Variants in TNPO2 observed in about 807,000 individuals in gnomAD.
TNPO2 encodes transportin-2.
In TNPO2, 16 loss-of-function variants were observed where a neutral mutation model predicts 111.1. The ratio of observed to expected loss-of-function variants is 0.14; its 90% CI spans 0.10 to 0.22. TNPO2 has a LOEUF of 0.22. Among genes scored for constraint, TNPO2 ranks in the 10% least tolerant of loss-of-function variants. The pLI, the probability that TNPO2 is intolerant of heterozygous loss-of-function variation, is 1.00. For missense variants in TNPO2, 530 were observed against 1,173.7 expected (o/e 0.45, Z 8.01); for synonymous variants, 481 against 475.8 (o/e 1.01, Z -0.14).
intron 18 of TNPO2, among the ~76,000 whole-genome samples, chr19:12,704,005 G>A (rs60615140): frequency 0.021 from 3,164 of 152,226 alleles, 101 homozygotes; most frequent in African/African-American, 0.071. Context: ...CAGTGTCCGT[G>A]GGGGATTCTT....
Position 12,719,433 on chromosome 19 carries a change from C to G in TNPO2, c.100-97G>C. ...ACTATCTCTGACCACTGGGACCAGG[C>G]TGCCAGCTCCTGGGGGATCCCGCTC... is the stretch of plus-strand genomic sequence containing the variant. On this transcript the variant is annotated intron_variant, in intron 3 of 25. Coordinates refer to ENST00000425528, the MANE Select transcript of TNPO2 (RefSeq NM_001382241.1). This position sits in a 1 kb window ranked among gnomAD's most constrained non-coding sequence, Gnocchi z 5.0. The G allele has an allele frequency of 9.8e-7, 1 of 1,022,846 alleles. No individual in the cohort carries two copies. The highest frequency in any genetic ancestry group is 2.5e-5 in the East Asian group (1 of 39,456). 63.4% of individuals were successfully genotyped at this position (1,022,846 alleles called of 1,614,324 possible).
rs1309893464 is a variant in TNPO2, at chr19:12,701,222, C to T, written c.*42G>A. The T allele has an allele frequency of 6.6e-6, 5 of 753,250 alleles. No homozygotes were observed. The highest frequency in any genetic ancestry group is 1.1e-5 in the Non-Finnish European group (5 of 465,940). 46.7% of individuals were successfully genotyped at this position (753,250 alleles called of 1,614,324 possible). On this transcript the variant is annotated 3_prime_UTR_variant, in exon 26 of 26. Transcript: ENST00000425528. The surrounding 1 kb of genome is among the most constrained non-coding windows in gnomAD (Gnocchi z 5.0). ...GCAGCGCACTCCCCAGTAATCCCTCCGACGACGACGCAGACAGAAACCTGC... is the reference window on the plus strand; with the variant it reads ...GCAGCGCACTCCCCAGTAATCCCTCTGACGACGACGCAGACAGAAACCTGC...
intron 13 of TNPO2, among the ~76,000 whole-genome samples, chr19:12,709,618 C>A (rs574709670): frequency 6.6e-6 from 1 of 151,512 alleles, no homozygotes; most frequent in Non-Finnish European, 1.5e-5. Context: ...AGGCACTTAC[C>A]ACCACGCCGG....
In TNPO2 at chr19:12,719,386, G is replaced by C. The variant is rs770768418; in HGVS notation, c.100-50C>G. 48 of 1,536,100 alleles carry C rather than the reference G, an allele frequency of 3.1e-5. No homozygotes were observed. The Middle Eastern group carries it at 6.8e-4, about 22-fold the overall frequency. On this transcript the variant is annotated intron_variant, in intron 3 of 25. Transcript: ENST00000425528. The surrounding 1 kb of genome is among the most constrained non-coding windows in gnomAD (Gnocchi z 5.0). The stretch of plus-strand genomic sequence containing the variant: ...AAGACAGAGGCCTTCCCCCAGCCAG[G>C]TCCCCTCATTATGTACCTGACACTA...
chr19:12,701,959 G>T lies in TNPO2; in HGVS notation c.2412-108C>A. 7.2e-7 allele frequency: 1 copy of T among 1,390,634 alleles called. No homozygotes were observed. The allele number at this position is 1,390,634 out of a possible 1,614,324, so 86.1% of individuals were successfully genotyped here. ...TGGGCCTGGGACATGCATCTGTGGG[G>T]GTGGGGCAGGGCAGGGAGTCAGTAG... On this transcript the variant is annotated intron_variant, in intron 22 of 25. Transcript: ENST00000425528. This position sits in a 1 kb window ranked among gnomAD's most constrained non-coding sequence, Gnocchi z 5.0.
Position 12,702,393 on chromosome 19 carries a change from T to C in TNPO2, c.2306-216A>G, listed in dbSNP as rs890489656. ...TCCTTTCCCTTTCCTTTTTGTTTTT[T>C]TTTGTTTTGTTTTGTTTTTGAGATG... On this transcript the variant is annotated intron_variant, in intron 21 of 25. Transcript: ENST00000425528. The surrounding 1 kb of genome is among the most constrained non-coding windows in gnomAD (Gnocchi z 5.5). The C allele has an allele frequency of 3.4e-5, 23 of 672,786 alleles. No individual in the cohort carries two copies. The highest frequency in any genetic ancestry group is 5.7e-5 in the Non-Finnish European group (21 of 367,474). 41.7% of individuals were successfully genotyped at this position (672,786 alleles called of 1,614,324 possible). A position where few individuals can be genotyped will look rare whatever the true frequency, so the allele number is the denominator to read the frequency against.
Position 12,702,338 on chromosome 19 carries a change from C to T in TNPO2, c.2306-161G>A, listed in dbSNP as rs1466978916. ...TCCTCATCACACCTGAGTCACTTCC[C>T]AGGTCTCTCTGCATCTATCTTTCTT... On this transcript the variant is annotated intron_variant, in intron 21 of 25. Coordinates refer to ENST00000425528, the MANE Select transcript of TNPO2 (RefSeq NM_001382241.1). The surrounding 1 kb of genome is among the most constrained non-coding windows in gnomAD (Gnocchi z 5.5). The T allele has an allele frequency of 1.4e-6, 1 of 695,336 alleles. No individual in the cohort carries two copies. The highest frequency in any genetic ancestry group is 2.6e-6 in the Non-Finnish European group (1 of 382,366). 43.1% of individuals were successfully genotyped at this position (695,336 alleles called of 1,614,324 possible). A position where few individuals can be genotyped will look rare whatever the true frequency, so the allele number is the denominator to read the frequency against.
In TNPO2 at chr19:12,719,103, G is replaced by C. The variant is rs2026526331; in HGVS notation, c.251C>G (p.Pro84Arg). 6.2e-7 allele frequency: 1 copy of C among 1,614,030 alleles called. No individual in the cohort carries two copies. Among genetic ancestry groups the C allele is most frequent in the African/African-American group, 1.3e-5 (1 of 75,054 alleles). ...VKAHYQSFPP[P>R]VADFIKQECL... ...CTCCTGTTTGATGAAGTCTGCCACAGGGGGTGGGAAGCTCTGATAGTGTGC... is the reference window on the plus strand; with the variant it reads ...CTCCTGTTTGATGAAGTCTGCCACACGGGGTGGGAAGCTCTGATAGTGTGC... Residue 84 changes from proline (P) to arginine (R), a missense_variant, in exon 5 of 26, where the codon CCT (proline) becomes CGT (arginine). Physicochemically the swap from Pro to Arg is moderately radical, Grantham distance 103. Around this residue, in one of 4 missense-constraint regions of TNPO2, gnomAD observed 156 missense variants for 405.8 expected, o/e 0.38. Coordinates refer to ENST00000425528, the MANE Select transcript of TNPO2 (RefSeq NM_001382241.1). This position sits in a 1 kb window ranked among gnomAD's most constrained non-coding sequence, Gnocchi z 5.0.
chr19:12,701,205 C>T lies in TNPO2; in HGVS notation c.*59G>A, dbSNP rs2025274912. Reference sequence around the variant, plus strand: ...CACAGCGACTTCCGGATGCAGCGCACTCCCCAGTAATCCCTCCGACGACGA... The same window carrying T: ...CACAGCGACTTCCGGATGCAGCGCATTCCCCAGTAATCCCTCCGACGACGA... On this transcript the variant is annotated 3_prime_UTR_variant, in exon 26 of 26. Transcript: ENST00000425528. This position sits in a 1 kb window ranked among gnomAD's most constrained non-coding sequence, Gnocchi z 5.0. The T allele has an allele frequency of 1.5e-6, 1 of 655,364 alleles. No homozygotes were observed. The highest frequency in any genetic ancestry group is 2.7e-5 in the East Asian group (1 of 36,370). The allele number at this position is 655,364 out of a possible 1,614,324, so 40.6% of individuals were successfully genotyped here.
rs143301687 is a variant in TNPO2 at position 12,706,903 on chromosome 19, G to A, written c.1271-108C>T. ...CAACATATAGGGAAACTGAGGCTTA[G>A]AGTTTAAATCACTGGCCCAGACTCA... On this transcript the variant is annotated intron_variant, in intron 13 of 25. Coordinates refer to ENST00000425528, the MANE Select transcript of TNPO2 (RefSeq NM_001382241.1). The surrounding 1 kb of genome is among the most constrained non-coding windows in gnomAD (Gnocchi z 7.0). 1.1e-3 allele frequency: 1,093 copies of A among 957,974 alleles called. 4 individuals are homozygous for A. In the African/African-American group the frequency reaches 0.014, roughly 12 times the overall value. The allele number at this position is 957,974 out of a possible 1,614,324, so 59.3% of individuals were successfully genotyped here. A position where few individuals can be genotyped will look rare whatever the true frequency, so the allele number is the denominator to read the frequency against.
chr19:12,701,791 G>C lies in TNPO2; in HGVS notation c.2472C>G (p.Ile824Met). 1 of 1,613,914 alleles carries C rather than the reference G, an allele frequency of 6.2e-7. No homozygotes were observed. The highest frequency in any genetic ancestry group is 8.5e-7 in the Non-Finnish European group (1 of 1,179,876). Residue 824 changes from isoleucine (I) to methionine (M), a missense_variant, in exon 23 of 26, where the codon ATC becomes ATG. Physicochemically the swap from Ile to Met is conservative, Grantham distance 10. This residue lies in a region of TNPO2 where 103 missense variants were observed against 156.7 expected (regional missense o/e 0.66). Transcript: ENST00000425528. The surrounding 1 kb of genome is among the most constrained non-coding windows in gnomAD (Gnocchi z 5.0). ...NEEKDSAFRG[I>M]CMMIGVNPGG... ...CCGGGTTGACACCGATCATCATGCA[G>C]ATGCCGCGGAAGGCTGAGTCCTTCT...
intron 13 of TNPO2, among the ~76,000 whole-genome samples, chr19:12,709,920 A>T (rs2025945041): frequency 6.6e-6 from 1 of 152,126 alleles, no homozygotes. Context: ...TAACTAGACA[A>T]ATTTTAGACA....
Position 12,699,846 on chromosome 19 carries a change from G to C in TNPO2, c.*1418C>G, listed in dbSNP as rs1463362350. The C allele has an allele frequency of 6.6e-6, 1 of 152,326 alleles. No individual in the cohort carries two copies. The highest frequency in any genetic ancestry group is 2.4e-5 in the African/African-American group (1 of 41,304). The allele number at this position is 152,326 out of a possible 1,614,324, so 9.4% of individuals were successfully genotyped here. ...GTCTGGCGCCCAGGAGGGATGGATGGAGCAGGCCCCAGGATGCGAGACTCC... is the reference window on the plus strand; with the variant it reads ...GTCTGGCGCCCAGGAGGGATGGATGCAGCAGGCCCCAGGATGCGAGACTCC... On this transcript the variant is annotated 3_prime_UTR_variant, in exon 26 of 26. Coordinates refer to ENST00000425528, the MANE Select transcript of TNPO2 (RefSeq NM_001382241.1).
chr19:12,712,043 GTT>G (rs2026085047), intron 10 of TNPO2, among the ~76,000 whole-genome samples: 1 of 152,226 alleles, frequency 6.6e-6, no homozygotes, highest in East Asian at 1.9e-4. Flanking sequence ...TTAATCATTA[GTT>G]TGTAGCAATT....
chr19:12,719,816 T>C lies in TNPO2; in HGVS notation c.100-480A>G, dbSNP rs542586519. ...TCCATCTTGAAAAAAAAAAAAATCA[T>C]ACAAGGAGTTGGGTGGAAATGTCTG... On this transcript the variant is annotated intron_variant, in intron 3 of 25. Coordinates refer to ENST00000425528, the MANE Select transcript of TNPO2 (RefSeq NM_001382241.1). This position sits in a 1 kb window ranked among gnomAD's most constrained non-coding sequence, Gnocchi z 5.0. 6.7e-6 allele frequency among the ~76,000 whole-genome samples: 1 copy of C among 149,184 alleles called. No homozygotes were observed. Among genetic ancestry groups the C allele is most frequent in the East Asian group, 2.0e-4 (1 of 5,048 alleles).
chr19:12,701,203 C>G lies in TNPO2; in HGVS notation c.*61G>C, dbSNP rs1374555999. 6 of 644,384 alleles carry G rather than the reference C, an allele frequency of 9.3e-6. No individual in the cohort carries two copies. The highest frequency in any genetic ancestry group is 1.6e-5 in the Non-Finnish European group (6 of 374,716). 39.9% of individuals were successfully genotyped at this position (644,384 alleles called of 1,614,324 possible). A position where few individuals can be genotyped will look rare whatever the true frequency, so the allele number is the denominator to read the frequency against. On this transcript the variant is annotated 3_prime_UTR_variant, in exon 26 of 26. Coordinates refer to ENST00000425528, the MANE Select transcript of TNPO2 (RefSeq NM_001382241.1). The surrounding 1 kb of genome is among the most constrained non-coding windows in gnomAD (Gnocchi z 5.0). ...GGCACAGCGACTTCCGGATGCAGCG[C>G]ACTCCCCAGTAATCCCTCCGACGAC... is the stretch of plus-strand genomic sequence containing the variant.
intron 13 of TNPO2, among the ~76,000 whole-genome samples, chr19:12,707,730 C>T (rs1211431829): frequency 6.6e-6 from 1 of 151,902 alleles, no homozygotes; most frequent in Non-Finnish European, 1.5e-5. Flanking sequence ...CTCACGTGAT[C>T]CCACCTCAGC....
chr19:12,715,199 G>C lies in TNPO2; in HGVS notation c.649-30C>G. On this transcript the variant is annotated intron_variant, in intron 8 of 25. Transcript: ENST00000425528. This position sits in a 1 kb window ranked among gnomAD's most constrained non-coding sequence, Gnocchi z 7.1. ...AGGGAGGAACAGGGTCAGTTGTAGG[G>C]GCCCTCAGTCCTCGCCCTGCCCACC... is the stretch of plus-strand genomic sequence containing the variant. 1.2e-6 allele frequency: 2 copies of C among 1,613,776 alleles called. No homozygotes were observed. Among genetic ancestry groups the C allele is most frequent in the Non-Finnish European group, 1.7e-6 (2 of 1,179,794 alleles).
rs2025237012 is a variant in TNPO2 at position 12,700,659 on chromosome 19, C to G, written c.*605G>C. On this transcript the variant is annotated 3_prime_UTR_variant, in exon 26 of 26. Transcript: ENST00000425528. ...ATCCCGCCTGAGGCCCCCCACCCACCCAGCCCTCCCCAGTCACCGCCAATT... is the reference window on the plus strand; with the variant it reads ...ATCCCGCCTGAGGCCCCCCACCCACGCAGCCCTCCCCAGTCACCGCCAATT... 1 of 150,282 alleles carries G rather than the reference C, an allele frequency of 6.7e-6. No individual in the cohort carries two copies. Among genetic ancestry groups the G allele is most frequent in the African/African-American group, 2.5e-5 (1 of 40,716 alleles). The allele number at this position is 150,282 out of a possible 1,614,324, so 9.3% of individuals were successfully genotyped here.
Sources: allele counts gnomAD v4.1 joint callset (sites outside exome capture counted in the v4.1 genomes callset), GRCh38; gene constraint gnomAD v4.1.1; regional missense constraint gnomAD v4.1.1; non-coding constraint Gnocchi (gnomAD v3.1); transcripts MANE v1.5; gene names NCBI Gene and HGNC (gene_info 2026-07-23, HGNC 2026-07-21).